The following ARB2A variants were observed in gnomAD, a reference collection of about 807,000 sequenced individuals.
The protein encoded by ARB2A is cotranscriptional regulator ARB2A.
At chr5:94,056,162 A>G in the ARB2A span, among the ~76,000 whole-genome samples, 1 of 152,220 alleles carries the variant, frequency 6.6e-6, no homozygotes, top group Non-Finnish European at 1.5e-5. Flanking sequence ...CTGATTCTAT[A>G]TGCTATATCA....
chr5:94,023,878 G>T, the ARB2A span, among the ~76,000 whole-genome samples: 5 of 152,184 alleles, frequency 3.3e-5, no homozygotes, highest in Admixed American at 1.3e-4. Flanking sequence ...CTACATGCCT[G>T]TCGTGCCATA....
the ARB2A span, among the ~76,000 whole-genome samples, chr5:94,020,499 G>A: frequency 7.9e-5 from 12 of 152,184 alleles, no homozygotes; most frequent in African/African-American, 2.7e-4. Context: ...CCAAGGGCCT[G>A]CCCAAATGGT....
chr5:93,678,633 G>GT, the ARB2A span, among the ~76,000 whole-genome samples: 1 of 152,092 alleles, frequency 6.6e-6, no homozygotes, highest in African/African-American at 2.4e-5. Context: ...GCAGGCGCCT[G>GT]TAATCCCAGC....
chr5:93,987,298 A>G, the ARB2A span, among the ~76,000 whole-genome samples: 1 of 152,214 alleles, frequency 6.6e-6, no homozygotes, highest in Non-Finnish European at 1.5e-5. Context: ...AGAAGAAAGA[A>G]AGAAACATAA....
chr5:93,811,677 T>C, the ARB2A span, among the ~76,000 whole-genome samples: 171 of 152,260 alleles, frequency 1.1e-3, no homozygotes, highest in African/African-American at 3.3e-3. Flanking sequence ...ATATATTTCA[T>C]GTTTCTCATC....
the ARB2A span, among the ~76,000 whole-genome samples, chr5:93,785,952 C>T: frequency 9.9e-5 from 15 of 152,108 alleles, no homozygotes; most frequent in Non-Finnish European, 1.9e-4. Context: ...TTTAAACCAA[C>T]ATTAGATGAT....
the ARB2A span, among the ~76,000 whole-genome samples, chr5:93,895,646 T>C: frequency 1.2e-4 from 19 of 152,196 alleles, no homozygotes; most frequent in Middle Eastern, 3.4e-3. Context: ...TGTGCTTTTA[T>C]GCAAAACTCA....
the ARB2A span, among the ~76,000 whole-genome samples, chr5:94,011,041 A>G: frequency 6.6e-6 from 1 of 152,228 alleles, no homozygotes; most frequent in East Asian, 1.9e-4. Context: ...AACTTGAGCA[A>G]GGGAGATGAG....
At chr5:93,970,372 C>A in the ARB2A span, among the ~76,000 whole-genome samples, 2 of 151,708 alleles carry the variant, frequency 1.3e-5, no homozygotes, top group Non-Finnish European at 2.9e-5. Context: ...CCTCTTTCAA[C>A]CAAATAAAAT....
At chr5:93,762,701 C>T in the ARB2A span, among the ~76,000 whole-genome samples, 36 of 152,152 alleles carry the variant, frequency 2.4e-4, no homozygotes, top group East Asian at 4.8e-3. Context: ...ATACAGAGAA[C>T]GCCACAAAGA....
the ARB2A span, among the ~76,000 whole-genome samples, chr5:93,852,249 CTTCTT>C: frequency 1.3e-5 from 2 of 152,048 alleles, no homozygotes. Context: ...GCATGAATGT[CTTCTT>C]TTGAGAAGTG....
chr5:93,988,647 C>T, the ARB2A span, among the ~76,000 whole-genome samples: 1 of 152,150 alleles, frequency 6.6e-6, no homozygotes, highest in African/African-American at 2.4e-5. Context: ...ATATACTTGT[C>T]TTGGGCTGAA....
At chr5:93,974,406 A>G in the ARB2A span, among the ~76,000 whole-genome samples, 1 of 152,218 alleles carries the variant, frequency 6.6e-6, no homozygotes, top group Admixed American at 6.5e-5. Context: ...TTTATTCAAC[A>G]AATAAATAGG....
the ARB2A span, among the ~76,000 whole-genome samples, chr5:94,082,927 T>C: frequency 3.3e-5 from 5 of 152,200 alleles, no homozygotes; most frequent in Admixed American, 2.6e-4. Flanking sequence ...TAAGTTACAG[T>C]GGTTATTTAC....
At chr5:93,893,840 A>G in the ARB2A span, among the ~76,000 whole-genome samples, 1 of 152,214 alleles carries the variant, frequency 6.6e-6, no homozygotes, top group African/African-American at 2.4e-5. Context: ...CAAAAATTGT[A>G]TCATATAGTT....
the ARB2A span, among the ~76,000 whole-genome samples, chr5:93,926,965 C>A: frequency 6.7e-6 from 1 of 149,094 alleles, no homozygotes; most frequent in African/African-American, 2.5e-5. Flanking sequence ...GCAGGAGATT[C>A]AACTGTGTTG....
At chr5:93,689,946 A>C in the ARB2A span, among the ~76,000 whole-genome samples, 3 of 152,134 alleles carry the variant, frequency 2.0e-5, no homozygotes, top group African/African-American at 7.2e-5. Flanking sequence ...TGGGAAGCCC[A>C]AGGGGTTGAA....
At chr5:93,664,331 T>C in the ARB2A span, among the ~76,000 whole-genome samples, 1 of 152,164 alleles carries the variant, frequency 6.6e-6, no homozygotes, top group African/African-American at 2.4e-5. Context: ...TCCTCCTGCC[T>C]TGGCCCTCCA....
At chr5:93,650,259 C>T in the ARB2A span, among the ~76,000 whole-genome samples, 9 of 151,364 alleles carry the variant, frequency 5.9e-5, no homozygotes, top group Non-Finnish European at 1.0e-4. Context: ...ACATGTTCAA[C>T]GACTTGAGGA....
Sources: gnomAD v4.1 joint callset for allele counts (sites outside exome capture counted in the v4.1 genomes callset) on GRCh38, gnomAD v4.1.1 for gene constraint, MANE v1.5 for transcripts, NCBI Gene and HGNC (gene_info 2026-07-23, HGNC 2026-07-21) for gene names.